The following PTPRO variants were observed in gnomAD, a reference collection of about 807,000 sequenced individuals.
PTPRO encodes receptor-type tyrosine-protein phosphatase O.
A neutral mutation model predicts 145.2 loss-of-function variants in PTPRO; 62 were observed. That is an observed-to-expected ratio of 0.43 (90% CI 0.35 to 0.53). The LOEUF is 0.53. Ranked by LOEUF, PTPRO falls within the 20% of genes least tolerant of loss-of-function variation. The pLI is 0.01. For synonymous variants in PTPRO, 565 were observed against 514.7 expected, an observed-to-expected ratio of 1.10 and a Z score of -1.32; for missense variants, 1,345 against 1,482.7, an observed-to-expected ratio of 0.91 and a Z score of 1.53.
At chr12:15,582,495 A>G (rs1944342380) in intron 23 of PTPRO, among the ~76,000 whole-genome samples, 1 of 152,200 alleles carries the variant, frequency 6.6e-6, no homozygotes, top group South Asian at 2.1e-4. Context: ...TGGTCTGGAG[A>G]GGCTGAGAAG....
At chr12:15,554,173 C>T (rs1209210945) in intron 15 of PTPRO, among the ~76,000 whole-genome samples, 2 of 152,080 alleles carry the variant, frequency 1.3e-5, no homozygotes, top group Non-Finnish European at 2.9e-5. Flanking sequence ...GAAACTCCAT[C>T]TCAAAAAACA....
intron 1 of PTPRO, among the ~76,000 whole-genome samples, chr12:15,420,148 G>GA (rs35302259): frequency 0.042 from 3,382 of 81,332 alleles, 194 homozygotes; most frequent in African/African-American, 0.15. Flanking sequence ...CTCCGACTCA[G>GA]AAAAAAAAAA....
At chr12:15,439,517 A>G (rs1940696410) in intron 1 of PTPRO, 2 of 232,644 alleles carry the variant, frequency 8.6e-6, no homozygotes, top group African/African-American at 2.3e-5. Context: ...CTTATCCAAG[A>G]AAACACCAAA....
intron 1 of PTPRO, among the ~76,000 whole-genome samples, chr12:15,370,674 GAA>G (rs1316588590): frequency 6.6e-6 from 1 of 151,934 alleles, no homozygotes; most frequent in Admixed American, 6.6e-5. Flanking sequence ...AATCAATAGA[GAA>G]GAGGAATATT....
chr12:15,460,851 C>G (rs1378798485), intron 1 of PTPRO, among the ~76,000 whole-genome samples: 1 of 152,120 alleles, frequency 6.6e-6, no homozygotes, highest in South Asian at 2.1e-4. Flanking sequence ...AACCTGTGCT[C>G]CAAGGTCTTT....
intron 1 of PTPRO, among the ~76,000 whole-genome samples, chr12:15,408,494 T>A (rs2136308953): frequency 6.6e-6 from 1 of 152,266 alleles, no homozygotes; most frequent in South Asian, 2.1e-4. Flanking sequence ...AGTGGCATGA[T>A]CTCCCTCACT....
chr12:15,501,419 G>C (rs1942218422), intron 4 of PTPRO, among the ~76,000 whole-genome samples: 1 of 152,014 alleles, frequency 6.6e-6, no homozygotes, highest in African/African-American at 2.4e-5. Context: ...ATGTTGATAG[G>C]TATACATCAT....
At chr12:15,532,623 C>T (rs987144422) in intron 12 of PTPRO, among the ~76,000 whole-genome samples, 15 of 152,314 alleles carry the variant, frequency 9.8e-5, no homozygotes, top group Admixed American at 8.5e-4. Context: ...TCTTACCTTT[C>T]CTGCACTGAA....
intron 14 of PTPRO, among the ~76,000 whole-genome samples, chr12:15,551,306 T>C (rs1190081763): frequency 6.6e-6 from 1 of 152,238 alleles, no homozygotes. Flanking sequence ...AAGAATATCC[T>C]GAATGTTGTA....
intron 1 of PTPRO, among the ~76,000 whole-genome samples, chr12:15,415,484 A>G (rs1246432232): frequency 2.6e-5 from 4 of 151,020 alleles, no homozygotes; most frequent in Admixed American, 2.6e-4. Context: ...TCCCAGGTTC[A>G]CGCCATTCTC....
At chr12:15,344,247 A>G (rs1226220568) in intron 1 of PTPRO, among the ~76,000 whole-genome samples, 1 of 152,216 alleles carries the variant, frequency 6.6e-6, no homozygotes, top group Non-Finnish European at 1.5e-5. Flanking sequence ...CACTGTGATC[A>G]CATTCATTTT....
At chr12:15,524,986 G>A (rs373868040) in intron 11 of PTPRO, 21 bp downstream of exon 11, 10 of 1,612,350 alleles carry the variant, frequency 6.2e-6, no homozygotes, top group Non-Finnish European at 7.6e-6. Context: ...TTGAATGCCA[G>A]CATTGTGTGT....
At chr12:15,330,614 T>C (rs924313121) in intron 1 of PTPRO, among the ~76,000 whole-genome samples, 1 of 152,192 alleles carries the variant, frequency 6.6e-6, no homozygotes, top group African/African-American at 2.4e-5. Flanking sequence ...AATCAAATCA[T>C]TTATTCTCCT....
At chr12:15,407,955 A>G (rs964570363) in intron 1 of PTPRO, among the ~76,000 whole-genome samples, 1 of 152,152 alleles carries the variant, frequency 6.6e-6, no homozygotes, top group African/African-American at 2.4e-5. Flanking sequence ...GGGATGAGGG[A>G]TTTGATGATA....
At position 15,345,272 on chromosome 12, in the gene PTPRO, T is replaced by G. The variant is rs1263918093; in HGVS notation, c.75+22471T>G. Among the ~76,000 whole-genome samples the G allele has an allele frequency of 1.3e-5, 2 of 150,776 alleles. 1 individual carries two copies. The highest frequency in any genetic ancestry group is 6.3e-3 in the Middle Eastern group (2 of 316). On this transcript the variant is annotated intron_variant, in intron 1 of 26. Coordinates refer to ENST00000281171, the MANE Select transcript of PTPRO (RefSeq NM_030667.3). ...TGTGTCAATTATTTTATAGTATCAC[T>G]ACATATTTAAAAGATACTATAAAGA...
intron 1 of PTPRO, among the ~76,000 whole-genome samples, chr12:15,369,470 T>C (rs1938459219): frequency 6.6e-6 from 1 of 152,190 alleles, no homozygotes; most frequent in Non-Finnish European, 1.5e-5. Flanking sequence ...AGCTAAACAA[T>C]CCATCCAATT....
intron 1 of PTPRO, among the ~76,000 whole-genome samples, chr12:15,396,656 C>G (rs879729177): frequency 6.6e-6 from 1 of 152,064 alleles, no homozygotes; most frequent in Non-Finnish European, 1.5e-5. Context: ...CACCTACAGG[C>G]TCATTCTCTA....
rs1419521807 is a variant in PTPRO, at chr12:15,499,520, C to T, written c.587C>T (p.Ser196Phe). 6.2e-7 allele frequency: 1 copy of T among 1,613,768 alleles called. No individual in the cohort carries two copies. Among genetic ancestry groups the T allele is most frequent in the Non-Finnish European group, 8.5e-7 (1 of 1,179,744 alleles). The change falls in exon 4 of 27, where the codon TCT becomes TTT. Residue 196 changes from serine (S) to phenylalanine (F), a missense_variant. By Grantham distance (155) the Ser-to-Phe change is radical. This residue lies in a region of PTPRO where 1,130 missense variants were observed against 1,214.7 expected (regional missense o/e 0.93). Transcript: ENST00000281171. ...AGTAATATCACCTTTCAGCTGGTAT[C>T]TGAGGCAACTTTTAATAAAAGTACC... Reference protein sequence around the residue: ...CYSNITFQLVSEATFNKSTLV... With the variant: ...CYSNITFQLVFEATFNKSTLV...
rs930205656 is a variant in PTPRO at position 15,332,855 on chromosome 12, A to G, written c.75+10054A>G. Among the ~76,000 whole-genome samples the G allele has an allele frequency of 2.0e-5, 3 of 152,166 alleles. No individual in the cohort carries two copies. The East Asian group carries it at 5.8e-4, about 29-fold the overall frequency. The stretch of plus-strand genomic sequence containing the variant: ...TTCCATCTCTGTTTGACTTTAGTAG[A>G]GCACTATATAGTAACTGCTCTTGCT... On this transcript the variant is annotated intron_variant, in intron 1 of 26. Transcript: ENST00000281171.
Sources: allele counts gnomAD v4.1 joint callset (sites outside exome capture counted in the v4.1 genomes callset), GRCh38; gene constraint gnomAD v4.1.1; regional missense constraint gnomAD v4.1.1; transcripts MANE v1.5; gene names NCBI Gene and HGNC (gene_info 2026-07-23, HGNC 2026-07-21).